The following LRRK1 variants were observed in gnomAD, a reference collection of about 807,000 sequenced individuals.
LRRK1 encodes the protein leucine-rich repeat serine/threonine-protein kinase 1.
In LRRK1, 113 loss-of-function variants were observed where a neutral mutation model predicts 209.1. That is an observed-to-expected ratio of 0.54 (90% confidence interval 0.46 to 0.63). The LOEUF (loss-of-function observed/expected upper bound fraction) is 0.63, where lower values mean the gene tolerates loss of function less well. Ranked by LOEUF, LRRK1 falls within the 30% of genes least tolerant of loss-of-function variation. The pLI is 0.00. For missense variants in LRRK1, 2,284 were observed against 2,632.2 expected, an observed-to-expected ratio of 0.87 and a Z score of 2.89; for synonymous variants, 1,144 against 1,099.7, an observed-to-expected ratio of 1.04 and a Z score of -0.80.
chr15:101,039,842 T>C (rs982184131), intron 20 of LRRK1, among the ~76,000 whole-genome samples: 12 of 152,360 alleles, frequency 7.9e-5, no homozygotes, highest in African/African-American at 2.4e-4. Flanking sequence ...CTCTGTTAAT[T>C]TTTTTCTTCA....
In LRRK1 at chr15:101,022,451, A is replaced by T; in HGVS notation, c.1921A>T (p.Met641Leu). The T allele has an allele frequency of 6.2e-7, 1 of 1,614,198 alleles. No individual in the cohort carries two copies. The highest frequency in any genetic ancestry group is 1.1e-5 in the South Asian group (1 of 91,074). The change falls in exon 15 of 34, where the codon ATG (methionine) becomes TTG (leucine). Residue 641 changes from methionine (M) to leucine (L), a missense_variant. Transcript: ENST00000388948. This position sits in a 1 kb window ranked among gnomAD's most constrained non-coding sequence, Gnocchi z 4.0. ...RKAEKCKLMKMIIVGPPRQGK... is the reference protein window; with the variant it reads ...RKAEKCKLMKLIIVGPPRQGK... ...AGCGGAAAAGTGCAAGCTGATGAAG[A>T]TGATCATCGTGGGTCCCCCGCGCCA...
intron 2 of LRRK1, among the ~76,000 whole-genome samples, chr15:100,962,969 A>T (rs1210690861): frequency 6.7e-6 from 1 of 149,010 alleles, no homozygotes; most frequent in South Asian, 2.2e-4. Flanking sequence ...GATTACAGGC[A>T]TGCACCACCA....
intron 6 of LRRK1, among the ~76,000 whole-genome samples, chr15:101,005,675 C>T (rs1251304422): frequency 2.6e-5 from 4 of 152,134 alleles, no homozygotes; most frequent in Admixed American, 1.3e-4. Flanking sequence ...CTTGTTTTGC[C>T]GGGAAGTAAG....
intron 2 of LRRK1, among the ~76,000 whole-genome samples, chr15:100,930,291 G>A (rs2042187164): frequency 6.6e-6 from 1 of 152,156 alleles, no homozygotes; most frequent in East Asian, 1.9e-4. Context: ...ACAGGCCGCC[G>A]GCAACTTTAC....
intron 6 of LRRK1, among the ~76,000 whole-genome samples, chr15:101,000,552 A>T (rs2032634538): frequency 6.6e-6 from 1 of 152,160 alleles, no homozygotes; most frequent in Admixed American, 6.5e-5. Flanking sequence ...AGGTGTTGGA[A>T]GGGTCGGCTT....
chr15:100,952,313 A>C (rs1162194816), intron 2 of LRRK1, among the ~76,000 whole-genome samples: 1 of 152,208 alleles, frequency 6.6e-6, no homozygotes, highest in Admixed American at 6.5e-5. Context: ...GAATTTTATG[A>C]TACGTGAATT....
intron 6 of LRRK1, among the ~76,000 whole-genome samples, chr15:100,992,564 A>AT (rs1393223781): frequency 6.6e-6 from 1 of 152,226 alleles, no homozygotes; most frequent in Non-Finnish European, 1.5e-5. Flanking sequence ...AACTTGATAG[A>AT]TTTTTTAAAA....
At position 101,008,958 on chromosome 15, in the gene LRRK1, C is replaced by T; in HGVS notation, c.884C>T (p.Ser295Leu). 3.1e-6 allele frequency: 5 copies of T among 1,614,082 alleles called. No homozygotes were observed. Among genetic ancestry groups the T allele is most frequent in the Middle Eastern group, 1.6e-4 (1 of 6,062 alleles). The change falls in exon 7 of 34, where the codon TCG (serine) becomes TTG (leucine). Residue 295 changes from serine (S) to leucine (L), a missense_variant. Coordinates refer to ENST00000388948, the MANE Select transcript of LRRK1 (RefSeq NM_024652.6). ...GCCAACTGCCTGGCGACCCTCCCCT[C>T]GGTTATCCCCTGGGGCCTCATCAAT... ...LSANCLATLP[S>L]VIPWGLINLR...
Position 101,022,423 on chromosome 15 carries a change from G to A in LRRK1, c.1893G>A (p.Arg631=), listed in dbSNP as rs2033838785. ...AMLSYLRAQL[R]KAEKCKLMKM... is the part of the protein sequence containing the mutation. ...TGTCTTACCTGCGTGCTCAGCTGCG[G>A]AAAGCGGAAAAGTGCAAGCTGATGA... The change falls in exon 15 of 34, where the codon CGG becomes CGA. Residue 631 remains arginine, a synonymous_variant. Coordinates refer to ENST00000388948, the MANE Select transcript of LRRK1 (RefSeq NM_024652.6). The surrounding 1 kb of genome is among the most constrained non-coding windows in gnomAD (Gnocchi z 4.0). The A allele has an allele frequency of 3.1e-6, 5 of 1,614,234 alleles. No homozygotes were observed. The highest frequency in any genetic ancestry group is 4.2e-6 in the Non-Finnish European group (5 of 1,180,048).
intron 20 of LRRK1, 82 bp downstream of exon 20, chr15:101,029,314 G>C (rs1397279242): frequency 7.2e-7 from 1 of 1,381,388 alleles, no homozygotes; most frequent in Non-Finnish European, 9.8e-7. Context: ...CTGGTGGCCT[G>C]AACAAGATTT....
intron 2 of LRRK1, among the ~76,000 whole-genome samples, chr15:100,936,636 G>A (rs995246468): frequency 6.6e-6 from 1 of 152,204 alleles, no homozygotes; most frequent in Admixed American, 6.5e-5. Flanking sequence ...CCCTCTCAGA[G>A]CCCAGCCTGT....
At chr15:100,941,352 G>GTGTGTCTT (rs1567190811) in intron 2 of LRRK1, among the ~76,000 whole-genome samples, 12 of 11,056 alleles carry the variant, frequency 1.1e-3, no homozygotes, top group African/African-American at 3.2e-3. Flanking sequence ...GTGTCTTTGT[G>GTGTGTCTT]TGTGTGTGTG....
At chr15:101,025,077 A>G (rs1429196925) in intron 16 of LRRK1, 110 bp downstream of exon 16, 15 of 1,114,232 alleles carry the variant, frequency 1.3e-5, no homozygotes, top group African/African-American at 9.3e-5. Flanking sequence ...TTATGTTGCC[A>G]CAGAGGGCCC....
rs1358015012 is a variant in LRRK1, at chr15:100,941,424, G to A, written c.97+16695G>A. ...TCTGTGTGTGTCTCTGTGTGTGTGT[G>A]TGTCTGTGTGTGTGTGTGTGTCTGT... On this transcript the variant is annotated intron_variant, in intron 2 of 33. Coordinates refer to ENST00000388948, the MANE Select transcript of LRRK1 (RefSeq NM_024652.6). Among the ~76,000 whole-genome samples the A allele has an allele frequency of 8.9e-4, 107 of 120,030 alleles. 7 individuals are homozygous for A. Among genetic ancestry groups the A allele is most frequent in the African/African-American group, 3.8e-3 (97 of 25,560 alleles). 78.7% of individuals were successfully genotyped at this position (120,030 alleles called of 152,430 possible). A position where few individuals can be genotyped will look rare whatever the true frequency, so the allele number is the denominator to read the frequency against.
At chr15:101,019,292 G>A (rs1489827986) in intron 12 of LRRK1, among the ~76,000 whole-genome samples, 1 of 152,160 alleles carries the variant, frequency 6.6e-6, no homozygotes, top group African/African-American at 2.4e-5. Flanking sequence ...GTTCTCTGGG[G>A]AGAAAGTAAG....
At chr15:100,951,001 G>A (rs532717008) in intron 2 of LRRK1, among the ~76,000 whole-genome samples, 2 of 152,228 alleles carry the variant, frequency 1.3e-5, no homozygotes, top group Non-Finnish European at 2.9e-5. Flanking sequence ...TATTTGGGAG[G>A]CTGAGGCAGG....
intron 20 of LRRK1, among the ~76,000 whole-genome samples, chr15:101,042,231 G>T (rs28494029): frequency 2.2e-4 from 33 of 151,036 alleles, no homozygotes; most frequent in African/African-American, 8.0e-4. Flanking sequence ...TTTTAGACAA[G>T]ACTTTTGTTT....
In LRRK1 at chr15:101,011,901, T is replaced by G. The variant is rs1226159231; in HGVS notation, c.1282-107T>G. 3 of 798,970 alleles carry G rather than the reference T, an allele frequency of 3.8e-6. No homozygotes were observed. The East Asian group carries it at 7.5e-5, about 20-fold the overall frequency. The allele number at this position is 798,970 out of a possible 1,614,324, so 49.5% of individuals were successfully genotyped here. A position where few individuals can be genotyped will look rare whatever the true frequency, so the allele number is the denominator to read the frequency against. On this transcript the variant is annotated intron_variant, in intron 9 of 33. Transcript: ENST00000388948. ...CTCAGTCATCTTCATTACAGGACAT[T>G]ATTGTAATGGTCCATTTTTAACATC...
intron 2 of LRRK1, among the ~76,000 whole-genome samples, chr15:100,970,857 C>A (rs1255910316): frequency 6.6e-6 from 1 of 152,180 alleles, no homozygotes; most frequent in Non-Finnish European, 1.5e-5. Context: ...CAATTTCTCT[C>A]AGCAATGTTT....
Sources: allele counts gnomAD v4.1 joint callset (sites outside exome capture counted in the v4.1 genomes callset), GRCh38; gene constraint gnomAD v4.1.1; non-coding constraint Gnocchi (gnomAD v3.1); transcripts MANE v1.5; gene names NCBI Gene and HGNC (gene_info 2026-07-23, HGNC 2026-07-21).